Variants in BRWD1 observed in about 807,000 individuals in gnomAD.
BRWD1 encodes the protein bromodomain and WD repeat domain containing 1, also known as bromodomain and WD repeat-containing protein 1.
BRWD1 carries 82 observed loss-of-function variants against 251.2 expected under a neutral mutation model. The observed-to-expected ratio is 0.33, with a 90% CI of 0.27 to 0.39. BRWD1 has a LOEUF of 0.39. Among genes scored for constraint, BRWD1 ranks in the 10% least tolerant of loss-of-function variants. The pLI, the probability that BRWD1 is intolerant of heterozygous loss-of-function variation, is 1.00. For synonymous variants in BRWD1, 918 were observed against 902.8 expected (o/e 1.02, Z -0.30); for missense variants, 2,233 against 2,711.6 (o/e 0.82, Z 3.92).
chr21:39,295,430 G>A (rs943657457), intron 7 of BRWD1, among the ~76,000 whole-genome samples: 5 of 152,006 alleles, frequency 3.3e-5, no homozygotes, highest in African/African-American at 1.2e-4. Flanking sequence ...CTCGTGATCC[G>A]CCTGTCTCGG....
Position 39,250,809 on chromosome 21 carries a change from T to C in BRWD1, c.2336A>G (p.Gln779Arg), listed in dbSNP as rs1235428311. 2 of 1,588,852 alleles carry C rather than the reference T, an allele frequency of 1.3e-6. No homozygotes were observed. The highest frequency in any genetic ancestry group is 1.1e-5 in the South Asian group (1 of 87,008). The change falls in exon 20 of 41, where the codon CAG (glutamine) becomes CGG (arginine). Residue 779 changes from glutamine (Q) to arginine (R), a missense_variant. Transcript: ENST00000342449. ...AATTTAGGTTACCTTATGTGAGAGC[T>C]GAAGAGTCTTTCTTTTTCTTCCTAT... ...YIIGRKRKTL[Q>R]LSHKSDSVVL...
Position 39,313,185 on chromosome 21 carries a change from G to A in BRWD1, c.108+56C>T, listed in dbSNP as rs1210164146. 7 of 1,505,658 alleles carry A rather than the reference G, an allele frequency of 4.6e-6. No homozygotes were observed. In the South Asian group the frequency reaches 5.0e-5, roughly 11 times the overall value. The allele number at this position is 1,505,658 out of a possible 1,614,324, so 93.3% of individuals were successfully genotyped here. A position where few individuals can be genotyped will look rare whatever the true frequency, so the allele number is the denominator to read the frequency against. On this transcript the variant is annotated intron_variant, in intron 2 of 40. Coordinates refer to ENST00000342449, the MANE Select transcript of BRWD1 (RefSeq NM_033656.4). The stretch of plus-strand genomic sequence containing the variant: ...CCCCCGCCCACCACCCGCGACCCCC[G>A]GCGGCGGGGACACTGGGGACGCCAA...
At chr21:39,237,158 A>C (rs1351474173) in intron 22 of BRWD1, among the ~76,000 whole-genome samples, 1 of 152,180 alleles carries the variant, frequency 6.6e-6, no homozygotes, top group African/African-American at 2.4e-5. Context: ...AGGCCCCACC[A>C]CTACCCCCAT....
chr21:39,299,223 C>G (rs2036039802), intron 4 of BRWD1, among the ~76,000 whole-genome samples: 1 of 142,988 alleles, frequency 7.0e-6, no homozygotes, highest in Non-Finnish European at 1.5e-5. Context: ...AATATATATA[C>G]ATATTACGCT....
chr21:39,313,324 C>G, intron 1 of BRWD1, 25 bp from the exon 2 acceptor site: 1 of 1,524,170 alleles, frequency 6.6e-7, no homozygotes, highest in South Asian at 1.2e-5. Flanking sequence ...GGAGTCAGGT[C>G]AAGCCCCGGC....
chr21:39,270,241 T>A (rs778248695), intron 14 of BRWD1, 42 bp downstream of exon 14: 2 of 1,485,454 alleles, frequency 1.3e-6, no homozygotes, highest in Admixed American at 4.8e-5. Context: ...CAATCATATT[T>A]CAAAAAATCT....
chr21:39,243,094 A>C (rs928751510), intron 21 of BRWD1, among the ~76,000 whole-genome samples: 3 of 152,192 alleles, frequency 2.0e-5, no homozygotes, highest in Non-Finnish European at 2.9e-5. Context: ...AAACCTGCAA[A>C]CACCACCACC....
Position 39,202,621 on chromosome 21 carries a change from T to C in BRWD1, c.4365-76A>G, listed in dbSNP as rs2032168433. 9.4e-6 allele frequency: 9 copies of C among 953,796 alleles called. No individual in the cohort carries two copies. The Admixed American group carries it at 2.1e-4, about 22-fold the overall frequency. The allele number at this position is 953,796 out of a possible 1,614,324, so 59.1% of individuals were successfully genotyped here. The stretch of plus-strand genomic sequence containing the variant: ...AATTGGTTCACAGAGAATGACTAAA[T>C]AGAAGTATATCATATTTCTTAAACT... On this transcript the variant is annotated intron_variant, in intron 37 of 40. Transcript: ENST00000342449.
At chr21:39,264,790 AC>A in intron 16 of BRWD1, 100 bp downstream of exon 16, 1 of 1,519,286 alleles carries the variant, frequency 6.6e-7, no homozygotes, top group Admixed American at 2.1e-5. Context: ...AAATCAAATC[AC>A]TCAGCTAAAC....
At chr21:39,231,081 A>C (rs1401489052) in intron 25 of BRWD1, among the ~76,000 whole-genome samples, 2 of 152,192 alleles carry the variant, frequency 1.3e-5, no homozygotes, top group African/African-American at 4.8e-5. Context: ...ATACAAGCAG[A>C]GCCATTAAGT....
intron 29 of BRWD1, among the ~76,000 whole-genome samples, chr21:39,223,898 A>G (rs1345089321): frequency 6.6e-6 from 1 of 152,158 alleles, no homozygotes; most frequent in Non-Finnish European, 1.5e-5. Flanking sequence ...CCTAGGCTGG[A>G]GTGCAGTAGC....
At chr21:39,247,960 A>AAG in intron 20 of BRWD1, 128 bp from the exon 21 acceptor site, 6 of 1,150,950 alleles carry the variant, frequency 5.2e-6, no homozygotes, top group Non-Finnish European at 6.9e-6. Context: ...AAAAGAAGGT[A>AAG]GCATTTTTGC....
chr21:39,282,146 A>C (rs938859425), intron 8 of BRWD1, among the ~76,000 whole-genome samples: 4 of 151,946 alleles, frequency 2.6e-5, no homozygotes, highest in African/African-American at 9.7e-5. Context: ...ATGGTGGCGC[A>C]TGCTTGTAGT....
intron 10 of BRWD1, 186 bp downstream of exon 10, chr21:39,278,556 CA>C (rs2035350864): frequency 1.9e-6 from 1 of 523,968 alleles, no homozygotes; most frequent in Admixed American, 3.6e-5. Flanking sequence ...TACCAGAAAT[CA>C]GAGAAAGGCA....
At position 39,199,350 on chromosome 21, in the gene BRWD1, T is replaced by C. The variant is rs1160503473; in HGVS notation, c.5066A>G (p.Glu1689Gly). Reference protein sequence around the residue: ...EDEQSLKSEIEEEELKDENQL... With the variant: ...EDEQSLKSEIGEEELKDENQL... The stretch of plus-strand genomic sequence containing the variant: ...ATTTTCATCTTTTAGCTCCTCTTCT[T>C]CAATTTCTGACTTTAAGCTCTGTTC... The change falls in exon 40 of 41, where the codon GAA becomes GGA. Residue 1689 changes from glutamate (E) to glycine (G), a missense_variant. By Grantham distance (98) the Glu-to-Gly change is moderately conservative (BLOSUM62 -2). Coordinates refer to ENST00000342449, the MANE Select transcript of BRWD1 (RefSeq NM_033656.4). 1 of 1,614,118 alleles carries C rather than the reference T, an allele frequency of 6.2e-7. No individual in the cohort carries two copies. Among genetic ancestry groups the C allele is most frequent in the South Asian group, 1.1e-5 (1 of 91,080 alleles).
chr21:39,236,538 T>C (rs1010489551), intron 23 of BRWD1, 57 bp downstream of exon 23: 5 of 1,364,872 alleles, frequency 3.7e-6, no homozygotes, highest in Non-Finnish European at 5.0e-6. Flanking sequence ...ACATTTGAAA[T>C]GGGGTAAAGC....
chr21:39,274,852 C>A (rs1231064924), intron 12 of BRWD1, among the ~76,000 whole-genome samples: 2 of 152,110 alleles, frequency 1.3e-5, no homozygotes, highest in Non-Finnish European at 2.9e-5. Context: ...TCAGTCTGAC[C>A]AACATGGTGA....
At chr21:39,203,885 C>A (rs1021594786) in intron 37 of BRWD1, among the ~76,000 whole-genome samples, 1 of 142,756 alleles carries the variant, frequency 7.0e-6, no homozygotes, top group South Asian at 2.4e-4. Flanking sequence ...GGCACAGTGG[C>A]TTATGCATGT....
At chr21:39,236,457 G>C in intron 23 of BRWD1, 138 bp downstream of exon 23, 1 of 772,978 alleles carries the variant, frequency 1.3e-6, no homozygotes, top group Non-Finnish European at 2.0e-6. Context: ...AGCTCGCCCA[G>C]ACCAGCCCCA....
Sources: allele counts gnomAD v4.1 joint callset (sites outside exome capture counted in the v4.1 genomes callset), GRCh38; gene constraint gnomAD v4.1.1; transcripts MANE v1.5; gene names NCBI Gene and HGNC (gene_info 2026-07-23, HGNC 2026-07-21).